CACNB4: variants seen among roughly 807,000 people sequenced by gnomAD.
CACNB4 encodes the protein voltage-dependent L-type calcium channel subunit beta-4.
Under a neutral mutation model 71.2 loss-of-function variants are expected in CACNB4, and 32 were observed. The observed-to-expected ratio is 0.45, with a 90% confidence interval of 0.34 to 0.60. The LOEUF (loss-of-function observed/expected upper bound fraction) is 0.60. Ranked by LOEUF, CACNB4 falls within the 20% of genes least tolerant of loss-of-function variation. CACNB4 has a pLI of 0.01. For synonymous variants in CACNB4, 231 were observed against 236.9 expected (o/e 0.97, Z 0.23); for missense variants, 464 against 647.9 (o/e 0.72, Z 3.08).
intron 13 of CACNB4, among the ~76,000 whole-genome samples, chr2:151,841,454 CCTG>C (rs1256813358): frequency 1.3e-5 from 2 of 151,766 alleles, no homozygotes; most frequent in African/African-American, 4.8e-5. Context: ...GTGGTATGTG[CCTG>C]TAGTCCCAGC....
At chr2:151,996,713 T>G (rs1682063814) in intron 2 of CACNB4, among the ~76,000 whole-genome samples, 2 of 152,306 alleles carry the variant, frequency 1.3e-5, no homozygotes, top group South Asian at 4.1e-4. Flanking sequence ...TTTCCATGAT[T>G]AAAGAAGGCA....
Position 152,098,711 on chromosome 2 carries a change from C to T in CACNB4, c.63+238G>A, listed in dbSNP as rs1688424730. Reference sequence around the variant, plus strand: ...GGCATCCGCTGGGGGAGGCTGCGGGCTCCGGAGCGGGAGCGCAGAGACCCG... The same window carrying T: ...GGCATCCGCTGGGGGAGGCTGCGGGTTCCGGAGCGGGAGCGCAGAGACCCG... On this transcript the variant is annotated intron_variant, in intron 1 of 13. Transcript: ENST00000539935. This position sits in a 1 kb window ranked among gnomAD's most constrained non-coding sequence, Gnocchi z 5.3. The T allele has an allele frequency of 1.3e-6, 2 of 1,554,232 alleles. No homozygotes were observed. Among genetic ancestry groups the T allele is most frequent in the Admixed American group, 1.9e-5 (1 of 51,518 alleles).
Position 151,839,304 on chromosome 2 carries a change from C to T in CACNB4, c.1378G>A (p.Glu460Lys). 6.2e-7 allele frequency: 1 copy of T among 1,613,542 alleles called. No homozygotes were observed. Among genetic ancestry groups the T allele is most frequent in the Middle Eastern group, 1.6e-4 (1 of 6,062 alleles). The change falls in exon 14 of 14, where the codon GAA becomes AAA. Residue 460 changes from glutamate (E) to lysine (K), a missense_variant. Glu to Lys is a moderately conservative substitution (Grantham distance 56). Transcript: ENST00000539935. ...IERRSLMTSD[E>K]NYHNERARKS... ...CGAGCCCTTTCATTGTGATAATTTT[C>T]ATCAGAGGTCATTAGACTTCGTCTT...
In CACNB4 at chr2:151,870,447, A is replaced by G. The variant is rs758613431; in HGVS notation, c.699+84T>C. ...GGCTTCCATCAGGACCCACGTGGAAACAGACCCTTGAGGAGCAAGCGTCAA... is the reference window on the plus strand; with the variant it reads ...GGCTTCCATCAGGACCCACGTGGAAGCAGACCCTTGAGGAGCAAGCGTCAA... On this transcript the variant is annotated intron_variant, in intron 8 of 13. Coordinates refer to ENST00000539935, the MANE Select transcript of CACNB4 (RefSeq NM_000726.5). 13 of 1,166,046 alleles carry G rather than the reference A, an allele frequency of 1.1e-5. No homozygotes were observed. In the South Asian group the frequency reaches 1.7e-4, roughly 15 times the overall value. 72.2% of individuals were successfully genotyped at this position (1,166,046 alleles called of 1,614,324 possible). A position where few individuals can be genotyped will look rare whatever the true frequency, so the allele number is the denominator to read the frequency against.
At chr2:152,008,948 GT>G (rs148862929) in intron 2 of CACNB4, among the ~76,000 whole-genome samples, 8,744 of 152,254 alleles carry the variant, frequency 0.057, 286 homozygotes, top group Non-Finnish European at 0.077. Flanking sequence ...CATCTGGTAA[GT>G]ACTCTGCAAA....
chr2:151,843,308 ACTTT>A (rs574107019), intron 12 of CACNB4, among the ~76,000 whole-genome samples: 2 of 152,098 alleles, frequency 1.3e-5, no homozygotes, highest in African/African-American at 2.4e-5. Flanking sequence ...GCACATCTCA[ACTTT>A]CTTTCTTTCT....
intron 2 of CACNB4, among the ~76,000 whole-genome samples, chr2:152,070,323 G>A (rs145462785): frequency 3.9e-5 from 6 of 152,126 alleles, no homozygotes; most frequent in Admixed American, 2.6e-4. Flanking sequence ...AAATATACCC[G>A]TCTCTTTAAA....
At chr2:151,883,212 C>A (rs201182450) in intron 3 of CACNB4, 39 bp downstream of exon 3, 2 of 1,610,400 alleles carry the variant, frequency 1.2e-6, no homozygotes, top group African/African-American at 2.7e-5. Flanking sequence ...CACTGAGCAA[C>A]GACCCACTTT....
intron 2 of CACNB4, among the ~76,000 whole-genome samples, chr2:151,953,315 A>C (rs1224694608): frequency 6.6e-6 from 1 of 151,882 alleles, no homozygotes. Context: ...CCCCATCCTT[A>C]CTCGTGTGCC....
In CACNB4 at chr2:151,883,362, C is replaced by G; in HGVS notation, c.156G>C (p.Ala52=). The G allele has an allele frequency of 6.2e-7, 1 of 1,613,866 alleles. No homozygotes were observed. The highest frequency in any genetic ancestry group is 8.5e-7 in the Non-Finnish European group (1 of 1,179,796). Residue 52 remains alanine, a synonymous_variant, in exon 3 of 14, where the codon GCG becomes GCC. Transcript: ENST00000539935. ...CAGACGGCCTGCTTGTGTAGGAATC[C>G]GCTGAACCCTGGCAAAGAAAATAGA... is the stretch of plus-strand genomic sequence containing the variant. ...STSFILRQGS[A]DSYTSRPSDS...
chr2:151,948,157 CT>C (rs751747956), intron 2 of CACNB4, among the ~76,000 whole-genome samples: 6 of 152,072 alleles, frequency 3.9e-5, no homozygotes, highest in Non-Finnish European at 8.8e-5. Flanking sequence ...TCATTTTTTT[CT>C]TAGAGATCTA....
At position 151,853,443 on chromosome 2, in the gene CACNB4, C is replaced by T; in HGVS notation, c.1116+5G>A. On this transcript the variant is annotated splice_donor_5th_base_variant and intron_variant, in intron 12 of 13. Transcript: ENST00000539935. ...ATGATGAAGACAAAAAATGATCATA[C>T]TTACTGGGGGGCATTGTGCAAGTTT... is the stretch of plus-strand genomic sequence containing the variant. The T allele has an allele frequency of 6.4e-7, 1 of 1,566,234 alleles. No individual in the cohort carries two copies. The highest frequency in any genetic ancestry group is 8.7e-7 in the Non-Finnish European group (1 of 1,150,760).
rs143298781 is a variant in CACNB4, at chr2:152,062,199, A to G, written c.147+36131T>C. 4.1e-4 allele frequency among the ~76,000 whole-genome samples: 62 copies of G among 152,192 alleles called. 1 individual carries two copies. The East Asian group carries it at 8.7e-3, about 21-fold the overall frequency. ...AACTACTCATTAATTCAGTGAATAA[A>G]CACATGCTAATACATGGAATTCCTA... On this transcript the variant is annotated intron_variant, in intron 2 of 13. Transcript: ENST00000539935.
At chr2:151,948,658 CAAAAAA>C (rs111874098) in intron 2 of CACNB4, among the ~76,000 whole-genome samples, 1 of 140,746 alleles carries the variant, frequency 7.1e-6, no homozygotes, top group African/African-American at 2.6e-5. Context: ...GAGATCCTGT[CAAAAAA>C]AAAAAGAAAA....
rs146365467 is a variant in CACNB4, at chr2:151,840,976, A to G, written c.1302+927T>C. On this transcript the variant is annotated intron_variant, in intron 13 of 13. Transcript: ENST00000539935. ...CTCTGGTTCCCTATCTCTACCTCTG[A>G]GTGCAATACCAGAACAGCAGAAGGG... Among the ~76,000 whole-genome samples the G allele has an allele frequency of 4.6e-5, 7 of 152,254 alleles. No individual in the cohort carries two copies. In the East Asian group the frequency reaches 1.4e-3, roughly 29 times the overall value.
intron 2 of CACNB4, among the ~76,000 whole-genome samples, chr2:151,919,389 G>A (rs148274191): frequency 0.016 from 2,487 of 152,174 alleles, 35 homozygotes; most frequent in South Asian, 0.029. Context: ...TAGCCACCGC[G>A]CCCAGCCTGT....
chr2:151,948,950 A>T (rs901207427), intron 2 of CACNB4, among the ~76,000 whole-genome samples: 1 of 152,038 alleles, frequency 6.6e-6, no homozygotes, highest in African/African-American at 2.4e-5. Flanking sequence ...TTAAAGGTAG[A>T]TGTCATTGGT....
chr2:152,031,663 G>A (rs1684289969), intron 2 of CACNB4, among the ~76,000 whole-genome samples: 1 of 152,102 alleles, frequency 6.6e-6, no homozygotes, highest in Non-Finnish European at 1.5e-5. Flanking sequence ...CTGCCCATCA[G>A]CCCCTCCCGG....
At chr2:151,846,459 G>C (rs925996416) in intron 12 of CACNB4, among the ~76,000 whole-genome samples, 2 of 152,004 alleles carry the variant, frequency 1.3e-5, no homozygotes, top group Non-Finnish European at 2.9e-5. Flanking sequence ...TTTAAATCTA[G>C]GAAGCTATTG....
Sources: gnomAD v4.1 joint callset for allele counts (sites outside exome capture counted in the v4.1 genomes callset) on GRCh38, gnomAD v4.1.1 for gene constraint, Gnocchi (gnomAD v3.1) non-coding constraint, MANE v1.5 for transcripts, NCBI Gene and HGNC (gene_info 2026-07-23, HGNC 2026-07-21) for gene names.